THSD7A: variants seen among roughly 807,000 people sequenced by gnomAD.
THSD7A encodes the protein thrombospondin type 1 domain containing 7A, also known as thrombospondin type-1 domain-containing protein 7A.
A neutral mutation model predicts 231.3 loss-of-function variants in THSD7A; 96 were observed. That is an observed-to-expected ratio of 0.41 (90% CI 0.35 to 0.49). THSD7A has a LOEUF of 0.49. THSD7A is among the 20% of genes least tolerant of loss of function. THSD7A has a pLI of 0.05. For synonymous variants in THSD7A, 940 were observed against 743.3 expected (o/e 1.26, Z -4.30); for missense variants, 2,290 against 2,070.2 (o/e 1.11, Z -2.06).
chr7:11,804,173 T>C (rs1784345530), intron 1 of THSD7A, among the ~76,000 whole-genome samples: 2 of 152,160 alleles, frequency 1.3e-5, no homozygotes, highest in African/African-American at 4.8e-5. Context: ...ATAGAATTTT[T>C]TGTCATTATC....
At chr7:11,595,103 G>C (rs1197772885) in intron 2 of THSD7A, among the ~76,000 whole-genome samples, 1 of 152,162 alleles carries the variant, frequency 6.6e-6, no homozygotes, top group Non-Finnish European at 1.5e-5. Flanking sequence ...TGCACTGCCT[G>C]AGGCAACAGT....
intron 1 of THSD7A, among the ~76,000 whole-genome samples, chr7:11,695,575 A>G (rs1308470857): frequency 1.3e-5 from 2 of 151,682 alleles, no homozygotes; most frequent in East Asian, 3.9e-4. Flanking sequence ...CCAATGAAGT[A>G]TGAACTGAAC....
At chr7:11,566,073 G>T (rs1256430841) in intron 4 of THSD7A, among the ~76,000 whole-genome samples, 1 of 152,140 alleles carries the variant, frequency 6.6e-6, no homozygotes, top group African/African-American at 2.4e-5. Context: ...AGGCTTCTGG[G>T]ATTACTTAAA....
intron 1 of THSD7A, among the ~76,000 whole-genome samples, chr7:11,648,637 CGTGT>C (rs3031455): frequency 3.5e-4 from 50 of 141,126 alleles, no homozygotes; most frequent in South Asian, 9.3e-4. Context: ...TATTTTGTGG[CGTGT>C]GTGTGTGTGT....
intron 16 of THSD7A, 59 bp downstream of exon 16, chr7:11,424,637 T>C: frequency 1.9e-6 from 3 of 1,601,936 alleles, no homozygotes; most frequent in Non-Finnish European, 2.6e-6. Context: ...TGTTGGCACA[T>C]GTGCAATTGG....
At chr7:11,660,091 AAC>A (rs1214505824) in intron 1 of THSD7A, among the ~76,000 whole-genome samples, 41 of 151,744 alleles carry the variant, frequency 2.7e-4, no homozygotes, top group Admixed American at 1.4e-3. Context: ...GATGAATGGA[AAC>A]ACATATGCTT....
intron 6 of THSD7A, among the ~76,000 whole-genome samples, chr7:11,523,458 G>A (rs977125047): frequency 2.6e-5 from 4 of 152,092 alleles, no homozygotes; most frequent in South Asian, 4.2e-4. Flanking sequence ...GGGGTACACC[G>A]AACTCTGGAT....
At chr7:11,771,854 G>A (rs1164684358) in intron 1 of THSD7A, among the ~76,000 whole-genome samples, 1 of 152,042 alleles carries the variant, frequency 6.6e-6, no homozygotes, top group Non-Finnish European at 1.5e-5. Context: ...TTCTTGTGAC[G>A]GTGAGTGAAT....
chr7:11,613,877 C>T (rs938452549), intron 2 of THSD7A, among the ~76,000 whole-genome samples: 4 of 152,150 alleles, frequency 2.6e-5, no homozygotes, highest in African/African-American at 9.7e-5. Flanking sequence ...GTCAGTGCCA[C>T]CCTTATTCAA....
intron 13 of THSD7A, among the ~76,000 whole-genome samples, chr7:11,429,372 T>A (rs1446746625): frequency 6.6e-6 from 1 of 152,208 alleles, no homozygotes; most frequent in East Asian, 1.9e-4. Flanking sequence ...GCTCACCATA[T>A]TTCAACATTT....
chr7:11,457,062 AT>A (rs1785331828), intron 11 of THSD7A, among the ~76,000 whole-genome samples: 4 of 152,248 alleles, frequency 2.6e-5, no homozygotes, highest in African/African-American at 9.6e-5. Context: ...AAAGAAATCT[AT>A]TAATGATAAG....
intron 1 of THSD7A, among the ~76,000 whole-genome samples, chr7:11,766,908 C>T (rs1460371510): frequency 2.0e-5 from 3 of 152,164 alleles, no homozygotes; most frequent in Non-Finnish European, 2.9e-5. Flanking sequence ...AATTTCAAAA[C>T]TGCCACTGCA....
chr7:11,828,241 C>T (rs1378682833), intron 1 of THSD7A, among the ~76,000 whole-genome samples: 1 of 152,198 alleles, frequency 6.6e-6, no homozygotes, highest in Non-Finnish European at 1.5e-5. Flanking sequence ...ACTGGATTGG[C>T]ATGAAATCTT....
intron 6 of THSD7A, among the ~76,000 whole-genome samples, chr7:11,524,045 T>G (rs892964865): frequency 3.3e-5 from 5 of 152,212 alleles, no homozygotes; most frequent in African/African-American, 1.2e-4. Context: ...CTGGGTGCTT[T>G]TAGGTTCTTT....
intron 9 of THSD7A, 88 bp downstream of exon 9, chr7:11,469,791 C>G: frequency 1.1e-6 from 1 of 877,838 alleles, no homozygotes; most frequent in Non-Finnish European, 1.8e-6. Context: ...CTGTGCAAAA[C>G]TCACAAACAT....
intron 1 of THSD7A, among the ~76,000 whole-genome samples, chr7:11,696,400 A>G (rs1301401385): frequency 6.6e-6 from 1 of 151,546 alleles, no homozygotes; most frequent in African/African-American, 2.4e-5. Context: ...AATTCATTAT[A>G]AAGAACTCTT....
At chr7:11,545,255 A>T (rs984649121) in intron 4 of THSD7A, among the ~76,000 whole-genome samples, 36 of 152,076 alleles carry the variant, frequency 2.4e-4, no homozygotes, top group African/African-American at 8.5e-4. Context: ...CCTTCAATTG[A>T]TGAAAAGTCA....
intron 1 of THSD7A, among the ~76,000 whole-genome samples, chr7:11,755,379 A>G (rs1415905916): frequency 6.6e-6 from 1 of 152,126 alleles, no homozygotes; most frequent in Non-Finnish European, 1.5e-5. Context: ...GGTCATAGGC[A>G]AAAATCCTAA....
intron 3 of THSD7A, among the ~76,000 whole-genome samples, chr7:11,591,388 T>C (rs1011279975): frequency 6.6e-6 from 1 of 151,882 alleles, no homozygotes; most frequent in African/African-American, 2.4e-5. Context: ...CAGGAAGTGA[T>C]GGCATTTCTC....
Sources: allele counts gnomAD v4.1 joint callset (sites outside exome capture counted in the v4.1 genomes callset), GRCh38; gene constraint gnomAD v4.1.1; transcripts MANE v1.5; gene names NCBI Gene and HGNC (gene_info 2026-07-23, HGNC 2026-07-21).